The following PMF1 variants were observed in gnomAD, a reference collection of about 807,000 sequenced individuals.
PMF1 encodes the protein polyamine-modulated factor 1.
A neutral mutation model predicts 26.7 loss-of-function variants in PMF1; 21 were observed. The ratio of observed to expected loss-of-function variants is 0.79; its 90% CI spans 0.56 to 1.13. The LOEUF is 1.13. PMF1 is among the 50% of genes most tolerant of loss of function. The pLI, the probability that PMF1 is intolerant of heterozygous loss-of-function variation, is 0.00. For missense variants in PMF1, 266 were observed against 254.9 expected (o/e 1.04, Z -0.30); for synonymous variants, 105 against 101.0 (o/e 1.04, Z -0.24).
chr1:156,222,367 C>T (rs1658130700), intron 1 of PMF1, among the ~76,000 whole-genome samples: 1 of 150,868 alleles, frequency 6.6e-6, no homozygotes, highest in Admixed American at 6.6e-5. Flanking sequence ...CAATAAGTGT[C>T]ATATATGAAT....
Position 156,219,091 on chromosome 1 carries a change from T to C in PMF1, c.161+5915T>C, listed in dbSNP as rs552414663. ...CACCACCACACCTGGCTAATTTTTATATTTTTAGTAGAGACCGGGGTTTCA... is the reference window on the plus strand; with the variant it reads ...CACCACCACACCTGGCTAATTTTTACATTTTTAGTAGAGACCGGGGTTTCA... On this transcript the variant is annotated intron_variant, in intron 1 of 4. Transcript: ENST00000368277. Among the ~76,000 whole-genome samples the C allele has an allele frequency of 2.0e-5, 3 of 151,846 alleles. No homozygotes were observed. In the East Asian group the frequency reaches 5.9e-4, roughly 30 times the overall value.
At chr1:156,233,790 T>A (rs114837071) in intron 3 of PMF1, 62 bp downstream of exon 3, 4 of 1,534,482 alleles carry the variant, frequency 2.6e-6, no homozygotes, top group Non-Finnish European at 3.5e-6. Context: ...GCTTTTTTTT[T>A]TTTTTTCTAG....
chr1:156,236,585 G>A (rs1001098690), intron 4 of PMF1, 102 bp downstream of exon 4: 57 of 1,433,506 alleles, frequency 4.0e-5, no homozygotes, highest in Non-Finnish European at 5.1e-5. Context: ...ACCCCCACAG[G>A]GGGTAGGAGA....
chr1:156,229,150 C>T (rs868616509), intron 1 of PMF1, among the ~76,000 whole-genome samples: 12 of 152,018 alleles, frequency 7.9e-5, no homozygotes, highest in African/African-American at 1.5e-4. Flanking sequence ...CCTCATGATC[C>T]GCCCGCCTTG....
intron 1 of PMF1, among the ~76,000 whole-genome samples, chr1:156,219,215 CA>C (rs1323424198): frequency 1.3e-5 from 2 of 151,984 alleles, no homozygotes; most frequent in Non-Finnish European, 2.9e-5. Context: ...CACCATGCAC[CA>C]AAAAAGACCT....
intron 4 of PMF1, chr1:156,236,719 G>C (rs1659039956): frequency 3.4e-6 from 2 of 594,556 alleles, no homozygotes; most frequent in Non-Finnish European, 5.8e-6. Context: ...TCCCCTGATG[G>C]AGCAGGTGAG....
chr1:156,239,662 C>G lies in PMF1; in HGVS notation c.*61C>G. 7.0e-7 allele frequency: 1 copy of G among 1,437,486 alleles called. No homozygotes were observed. The highest frequency in any genetic ancestry group is 9.8e-7 in the Non-Finnish European group (1 of 1,022,866). The allele number at this position is 1,437,486 out of a possible 1,614,324, so 89.0% of individuals were successfully genotyped here. On this transcript the variant is annotated 3_prime_UTR_variant, in exon 5 of 5. Coordinates refer to ENST00000368277, the MANE Select transcript of PMF1 (RefSeq NM_007221.4). ...GGTCAAGAGCCTGTGGTCCAGCATG[C>G]CTGGCCTGGGCGGGCTACCTCTGAG...
intron 1 of PMF1, among the ~76,000 whole-genome samples, chr1:156,215,413 A>G (rs1479492117): frequency 3.3e-5 from 5 of 152,032 alleles, no homozygotes; most frequent in African/African-American, 4.8e-5. Context: ...TTATGAACCA[A>G]TCATGGCACG....
Position 156,236,416 on chromosome 1 carries a change from T to A in PMF1, c.497T>A (p.Val166Asp). 6.2e-7 allele frequency: 1 copy of A among 1,614,128 alleles called. No individual in the cohort carries two copies. The highest frequency in any genetic ancestry group is 8.5e-7 in the Non-Finnish European group (1 of 1,179,976). The change falls in exon 4 of 5, where the codon GTC becomes GAC. Residue 166 changes from valine (V) to aspartate (D), a missense_variant. Val to Asp is a radical substitution (Grantham distance 152). Transcript: ENST00000368277. ...EAENQQLADAVLAGRRQVEEL... is the reference protein window; with the variant it reads ...EAENQQLADADLAGRRQVEEL... ...GAGAACCAGCAGCTGGCAGATGCCGTCCTGGCAGGGCGGAGGCAGGTGGAG... is the reference window on the plus strand; with the variant it reads ...GAGAACCAGCAGCTGGCAGATGCCGACCTGGCAGGGCGGAGGCAGGTGGAG...
rs757572001 is a variant in PMF1, at chr1:156,213,084, G to A, written c.69G>A (p.Ser23=). Residue 23 remains serine, a synonymous_variant, in exon 1 of 5, where the codon TCG becomes TCA. Transcript: ENST00000368277. ...AAAAAAGGCATGAGGGGTCGTCTTC[G>A]GAATCTGTGCCACCCGGCACTACCA... The part of the protein sequence containing the change: ...CEEKRHEGSS[S]ESVPPGTTIS... 8 of 1,614,110 alleles carry A rather than the reference G, an allele frequency of 5.0e-6. No homozygotes were observed. In the Admixed American group the frequency reaches 1.2e-4, roughly 24 times the overall value.
chr1:156,226,565 G>A (rs1658382052), intron 1 of PMF1, among the ~76,000 whole-genome samples: 1 of 152,322 alleles, frequency 6.6e-6, no homozygotes, highest in African/African-American at 2.4e-5. Flanking sequence ...AGGGCAGTGA[G>A]GACTGTTATT....
At chr1:156,239,006 T>C (rs970557871) in intron 4 of PMF1, among the ~76,000 whole-genome samples, 6 of 152,046 alleles carry the variant, frequency 3.9e-5, no homozygotes, top group African/African-American at 1.5e-4. Context: ...TCAGTCACCA[T>C]GAGGCCATGG....
chr1:156,236,291 C>T lies in PMF1; in HGVS notation c.372C>T (p.Arg124=). 2 of 1,607,336 alleles carry T rather than the reference C, an allele frequency of 1.2e-6. No individual in the cohort carries two copies. Among genetic ancestry groups the T allele is most frequent in the South Asian group, 2.2e-5 (2 of 90,952 alleles). ...TGTGCCCCGTGTGGCCCTCCAGGCG[C>T]CCCAGCGGGATCCCAGAGAAGGATC... ...EGKVRKEPAW[R]PSGIPEKDLH... The change falls in exon 4 of 5, where the codon CGC becomes CGT. Residue 124 remains arginine (R), a synonymous_variant. Coordinates refer to ENST00000368277, the MANE Select transcript of PMF1 (RefSeq NM_007221.4).
At chr1:156,214,448 C>T (rs1191161670) in intron 1 of PMF1, among the ~76,000 whole-genome samples, 1 of 152,184 alleles carries the variant, frequency 6.6e-6, no homozygotes, top group Non-Finnish European at 1.5e-5. Flanking sequence ...AATGATTTGT[C>T]TTCACTCATG....
At chr1:156,229,290 C>T (rs148315567) in intron 1 of PMF1, among the ~76,000 whole-genome samples, 321 of 151,968 alleles carry the variant, frequency 2.1e-3, no homozygotes, top group African/African-American at 7.1e-3. Context: ...GGTGAGAGAC[C>T]GCCACTCTGA....
chr1:156,218,675 G>A (rs1214373511), intron 1 of PMF1, among the ~76,000 whole-genome samples: 5 of 151,896 alleles, frequency 3.3e-5, no homozygotes, highest in African/African-American at 9.7e-5. Context: ...CCAGCTACTC[G>A]GGAGGCTGAG....
chr1:156,239,893 C>A lies in PMF1; in HGVS notation c.*292C>A. ...TCAGGTCAGCTCTGCCCCTCCGCCC[C>A]CCTCCTGCTGGTTCCCCAGCCCTTT... On this transcript the variant is annotated 3_prime_UTR_variant, in exon 5 of 5. Transcript: ENST00000368277. 5.2e-6 allele frequency: 2 copies of A among 385,336 alleles called. No homozygotes were observed. The highest frequency in any genetic ancestry group is 9.4e-6 in the Non-Finnish European group (2 of 213,584). The allele number at this position is 385,336 out of a possible 1,614,324, so 23.9% of individuals were successfully genotyped here.
At chr1:156,237,003 CAG>C (rs563170119) in intron 4 of PMF1, 114 of 156,776 alleles carry the variant, frequency 7.3e-4, no homozygotes, top group Admixed American at 1.5e-3. Context: ...GTGATCAAGT[CAG>C]GGTATTTGAG....
rs544518971 is a variant in PMF1 at position 156,231,294 on chromosome 1, G to A, written c.162-1026G>A. Among the ~76,000 whole-genome samples, 5 of 151,964 alleles carry A rather than the reference G, an allele frequency of 3.3e-5. No individual in the cohort carries two copies. In the East Asian group the frequency reaches 9.7e-4, roughly 29 times the overall value. On this transcript the variant is annotated intron_variant, in intron 1 of 4. Coordinates refer to ENST00000368277, the MANE Select transcript of PMF1 (RefSeq NM_007221.4). ...ACCTGTAGTCCTAGCTACTCAGGAG[G>A]CTGAGGCAAGAGGATCCCTTGAGCC...
Sources: gnomAD v4.1 joint callset for allele counts (sites outside exome capture counted in the v4.1 genomes callset) on GRCh38, gnomAD v4.1.1 for gene constraint, MANE v1.5 for transcripts, NCBI Gene and HGNC (gene_info 2026-07-23, HGNC 2026-07-21) for gene names.